TWF2: variants seen among roughly 807,000 people sequenced by gnomAD.
The protein encoded by TWF2 is twinfilin actin binding protein 2, also known as twinfilin-2.
A neutral mutation model predicts 45.1 loss-of-function variants in TWF2; 15 were observed. That is an observed-to-expected ratio of 0.33 (90% CI 0.22 to 0.51). TWF2 has a LOEUF of 0.51. Ranked by LOEUF, TWF2 falls within the 20% of genes least tolerant of loss-of-function variation. The pLI is 0.97. For missense variants in TWF2, 423 were observed against 469.1 expected (o/e 0.90, Z 0.91); for synonymous variants, 177 against 195.8 (o/e 0.90, Z 0.80).
chr3:52,232,365 C>A (rs989232511), intron 2 of TWF2: 5 of 483,818 alleles, frequency 1.0e-5, no homozygotes, highest in African/African-American at 3.9e-5. Context: ...CACACCCCCC[C>A]ACACACACAC....
intron 7 of TWF2, 47 bp from the exon 8 acceptor site, chr3:52,229,829 G>C: frequency 1.9e-6 from 3 of 1,600,346 alleles, no homozygotes; most frequent in Non-Finnish European, 2.6e-6. Context: ...GAAACCTGCT[G>C]ACCTTCGCAC....
At chr3:52,232,455 G>A (rs1250425500) in intron 2 of TWF2, among the ~76,000 whole-genome samples, 1 of 152,016 alleles carries the variant, frequency 6.6e-6, no homozygotes, top group Non-Finnish European at 1.5e-5. Flanking sequence ...ACCCCTGGGT[G>A]CTCCCTTGGA....
At chr3:52,238,414 A>T (rs1214070843) in intron 1 of TWF2, among the ~76,000 whole-genome samples, 1 of 152,240 alleles carries the variant, frequency 6.6e-6, no homozygotes, top group Non-Finnish European at 1.5e-5. Context: ...CCTAACACAC[A>T]TAAACAAGCC....
chr3:52,238,977 G>A lies in TWF2; in HGVS notation c.25+15C>T, dbSNP rs568300693. The stretch of plus-strand genomic sequence containing the variant: ...CCAGACCGAGGCCCCCTGCCCGCCC[G>A]CCATCCGCCCTCACCGTGGATGCCC... On this transcript the variant is annotated intron_variant, in intron 1 of 8. Coordinates refer to ENST00000305533, the MANE Select transcript of TWF2 (RefSeq NM_007284.4). 8.8e-6 allele frequency: 14 copies of A among 1,587,494 alleles called. No individual in the cohort carries two copies. In the East Asian group the frequency reaches 2.9e-4, roughly 33 times the overall value.
At chr3:52,236,017 T>C (rs1397160957) in intron 1 of TWF2, among the ~76,000 whole-genome samples, 2 of 152,104 alleles carry the variant, frequency 1.3e-5, no homozygotes, top group Non-Finnish European at 1.5e-5. Context: ...AGACTCCATC[T>C]TGGTCAGGTG....
chr3:52,233,836 C>T (rs1029756666), intron 2 of TWF2, among the ~76,000 whole-genome samples: 6 of 151,210 alleles, frequency 4.0e-5, no homozygotes, highest in African/African-American at 1.5e-4. Context: ...ATGGCGTGAA[C>T]CCGGGAGGCG....
intron 7 of TWF2, 34 bp downstream of exon 7, chr3:52,229,886 C>T (rs374109549): frequency 6.3e-7 from 1 of 1,596,560 alleles, no homozygotes; most frequent in Non-Finnish European, 8.6e-7. Flanking sequence ...TCCCACCCAG[C>T]CACAGGCTTG....
chr3:52,231,777 G>GC (rs1699681265), intron 3 of TWF2, among the ~76,000 whole-genome samples, 167 bp downstream of exon 3: 3 of 152,182 alleles, frequency 2.0e-5, no homozygotes, highest in Admixed American at 1.3e-4. Flanking sequence ...CAGGCTGCGG[G>GC]CACAGGGACT....
chr3:52,231,327 C>A (rs1351834249), intron 4 of TWF2, 96 bp from the exon 5 acceptor site: 2 of 1,563,666 alleles, frequency 1.3e-6, no homozygotes, highest in Non-Finnish European at 1.8e-6. Flanking sequence ...CCCTTGGACT[C>A]CCCCAGCGCC....
chr3:52,239,096 G>A lies in TWF2; in HGVS notation c.-80C>T. ...CGGCAACGCTCGCTGGACCAAGAGAGGTGGAGGATGTGGCGGAGGCTGTCG... is the reference window on the plus strand; with the variant it reads ...CGGCAACGCTCGCTGGACCAAGAGAAGTGGAGGATGTGGCGGAGGCTGTCG... On this transcript the variant is annotated 5_prime_UTR_variant, in exon 1 of 9. Transcript: ENST00000305533. The A allele has an allele frequency of 4.6e-6, 7 of 1,519,760 alleles. No homozygotes were observed. The highest frequency in any genetic ancestry group is 2.5e-5 in the East Asian group (1 of 39,488). 94.1% of individuals were successfully genotyped at this position (1,519,760 alleles called of 1,614,324 possible).
At chr3:52,238,036 C>A (rs1175825097) in intron 1 of TWF2, among the ~76,000 whole-genome samples, 1 of 152,238 alleles carries the variant, frequency 6.6e-6, no homozygotes, top group Non-Finnish European at 1.5e-5. Context: ...TGGCTCCCAG[C>A]CATTGCTTCT....
chr3:52,233,542 G>C (rs1699698176), intron 2 of TWF2, among the ~76,000 whole-genome samples: 1 of 152,216 alleles, frequency 6.6e-6, no homozygotes, highest in Admixed American at 6.5e-5. Context: ...CTGCCCATCG[G>C]GGGCCTGGAC....
At chr3:52,238,025 C>A (rs568283336) in intron 1 of TWF2, among the ~76,000 whole-genome samples, 10 of 152,354 alleles carry the variant, frequency 6.6e-5, no homozygotes, top group African/African-American at 2.2e-4. Context: ...GTCAGGGCAC[C>A]TGGCTCCCAG....
intron 2 of TWF2, among the ~76,000 whole-genome samples, chr3:52,232,789 G>A (rs1175236850): frequency 6.6e-6 from 1 of 152,236 alleles, no homozygotes; most frequent in East Asian, 1.9e-4. Flanking sequence ...GGCAGAGGCA[G>A]GCGGATCGCC....
chr3:52,234,428 C>T (rs1699707194), intron 2 of TWF2, among the ~76,000 whole-genome samples: 1 of 152,200 alleles, frequency 6.6e-6, no homozygotes, highest in Non-Finnish European at 1.5e-5. Flanking sequence ...CACTTCAGGC[C>T]TCAGCTCAAG....
At chr3:52,233,838 C>T (rs953695919) in intron 2 of TWF2, among the ~76,000 whole-genome samples, 3 of 145,400 alleles carry the variant, frequency 2.1e-5, no homozygotes, top group Admixed American at 1.5e-4. Flanking sequence ...GGCGTGAACC[C>T]GGGAGGCGGA....
Position 52,230,996 on chromosome 3 carries a change from C to T in TWF2, c.484-1G>A. On this transcript the variant is annotated splice_acceptor_variant, in intron 5 of 8. Coordinates refer to ENST00000305533, the MANE Select transcript of TWF2 (RefSeq NM_007284.4). LOFTEE classifies it high-confidence loss of function. ...TTTCCACACTGATCTCTGTCTTCAC[C>T]TGTGGGTAGGGGAATGGTGAGGGAG... 6.2e-7 allele frequency: 1 copy of T among 1,607,988 alleles called. No individual in the cohort carries two copies. The highest frequency in any genetic ancestry group is 8.5e-7 in the Non-Finnish European group (1 of 1,177,312).
At chr3:52,238,473 ACT>A (rs916137174) in intron 1 of TWF2, among the ~76,000 whole-genome samples, 5 of 152,202 alleles carry the variant, frequency 3.3e-5, no homozygotes, top group African/African-American at 9.7e-5. Flanking sequence ...AAAAATGCAC[ACT>A]GAGACGCGCT....
Position 52,229,024 on chromosome 3 carries a change from C to T in TWF2, c.*10G>A. 6.2e-7 allele frequency: 1 copy of T among 1,610,040 alleles called. No homozygotes were observed. Among genetic ancestry groups the T allele is most frequent in the Non-Finnish European group, 8.5e-7 (1 of 1,179,076 alleles). Reference sequence around the variant, plus strand: ...CACAGTCCACACGTGGCCGGCCCTGCTCCAGCCTCCTAGCTGTCATCCCCA... The same window carrying T: ...CACAGTCCACACGTGGCCGGCCCTGTTCCAGCCTCCTAGCTGTCATCCCCA... On this transcript the variant is annotated 3_prime_UTR_variant, in exon 9 of 9. Transcript: ENST00000305533.
Sources: gnomAD v4.1 joint callset for allele counts (sites outside exome capture counted in the v4.1 genomes callset) on GRCh38, gnomAD v4.1.1 for gene constraint, MANE v1.5 for transcripts, NCBI Gene and HGNC (gene_info 2026-07-23, HGNC 2026-07-21) for gene names.